Variants in DEPDC5 observed in about 807,000 individuals in gnomAD.
The protein encoded by DEPDC5 is DEP domain containing 5, GATOR1 subcomplex subunit, also known as GATOR1 complex protein DEPDC5.
Under a neutral mutation model 217.3 loss-of-function variants are expected in DEPDC5, and 73 were observed. That is an observed-to-expected ratio of 0.34 (90% CI 0.28 to 0.41). The LOEUF (loss-of-function observed/expected upper bound fraction) is 0.41, where lower values mean the gene tolerates loss of function less well. Among genes scored for constraint, DEPDC5 ranks in the 10% least tolerant of loss-of-function variants. The pLI is 1.00. For synonymous variants in DEPDC5, 733 were observed against 756.7 expected (o/e 0.97, Z 0.51); for missense variants, 1,675 against 2,070.1 (o/e 0.81, Z 3.70).
intron 38 of DEPDC5, among the ~76,000 whole-genome samples, chr22:31,883,196 C>T (rs926974391): frequency 3.3e-5 from 5 of 152,094 alleles, no homozygotes; most frequent in African/African-American, 1.2e-4. Context: ...GTAAAATTAC[C>T]CCCAGCTGAG....
chr22:31,786,464 TGTTTAA>T (rs2085004813), intron 10 of DEPDC5, among the ~76,000 whole-genome samples: 1 of 150,388 alleles, frequency 6.6e-6, no homozygotes, highest in African/African-American at 2.4e-5. Context: ...ATTTTCCTTA[TGTTTAA>T]AAGTTTTATT....
intron 31 of DEPDC5, among the ~76,000 whole-genome samples, chr22:31,856,773 TTTTGTTTGTTTG>T (rs141442882): frequency 1.3e-5 from 2 of 151,874 alleles, no homozygotes; most frequent in African/African-American, 4.8e-5. Flanking sequence ...TAATGCAGTT[TTTTGTTTGTTTG>T]TTTGTTTGTT....
chr22:31,902,408 T>TTATATATATATATATATATATATA (rs66813737), intron 41 of DEPDC5, among the ~76,000 whole-genome samples: 68 of 111,888 alleles, frequency 6.1e-4, no homozygotes, highest in Non-Finnish European at 8.8e-4. Flanking sequence ...CATCTCCTTA[T>TTATATATATATATATATATATATA]TATATATATA....
At chr22:31,825,102 G>A (rs145405755) in intron 24 of DEPDC5, among the ~76,000 whole-genome samples, 44 of 152,178 alleles carry the variant, frequency 2.9e-4, no homozygotes, top group African/African-American at 8.9e-4. Context: ...GAGTTGCGCC[G>A]AGGAGGGCTA....
chr22:31,799,509 G>A (rs2086630252), intron 14 of DEPDC5, among the ~76,000 whole-genome samples: 1 of 146,928 alleles, frequency 6.8e-6, no homozygotes, highest in Non-Finnish European at 1.5e-5. Context: ...CTGGGATGGA[G>A]TGTCGCTTTG....
chr22:31,849,435 G>A (rs1438803722), intron 31 of DEPDC5, among the ~76,000 whole-genome samples: 1 of 152,034 alleles, frequency 6.6e-6, no homozygotes, highest in African/African-American at 2.4e-5. Context: ...TTCTTCACGT[G>A]GCAGCAGCAA....
At chr22:31,825,812 T>A (rs1429970427) in intron 24 of DEPDC5, among the ~76,000 whole-genome samples, 1 of 152,116 alleles carries the variant, frequency 6.6e-6, no homozygotes, top group African/African-American at 2.4e-5. Context: ...ATAGTGCTGA[T>A]CATCACCCAG....
intron 7 of DEPDC5, among the ~76,000 whole-genome samples, chr22:31,770,044 C>T (rs1400828048): frequency 6.8e-6 from 1 of 147,662 alleles, no homozygotes; most frequent in Non-Finnish European, 1.5e-5. Flanking sequence ...GCTTGGGCCA[C>T]GTGACAAATA....
At chr22:31,840,529 C>T (rs1468509198) in intron 27 of DEPDC5, among the ~76,000 whole-genome samples, 2 of 152,160 alleles carry the variant, frequency 1.3e-5, no homozygotes, top group East Asian at 1.9e-4. Context: ...CCAGGCTGCC[C>T]ACCTGTTGTT....
At position 31,814,473 on chromosome 22, in the gene DEPDC5, C is replaced by T. The variant is rs536193467; in HGVS notation, c.1446-519C>T. 5.0e-4 allele frequency: 78 copies of T among 154,640 alleles called. 1 individual carries two copies. The South Asian group carries it at 0.015, about 29-fold the overall frequency. The allele number at this position is 154,640 out of a possible 1,614,324, so 9.6% of individuals were successfully genotyped here. ...CACTTTTTGCATTTGGTTATAATGC[C>T]TTTTGTGTGTGTGTGTGACAGTAGA... On this transcript the variant is annotated intron_variant, in intron 20 of 42. Transcript: ENST00000651528.
At position 31,879,568 on chromosome 22, in the gene DEPDC5, G is replaced by A. The variant is rs1244383892; in HGVS notation, c.3849G>A (p.Val1283=). 1 of 1,612,936 alleles carries A rather than the reference G, an allele frequency of 6.2e-7. No individual in the cohort carries two copies. Reference sequence around the variant, plus strand: ...CCACCACCTGGCACACAGCAGGAGTGGACGACTTCGCCAGCTTCCAGCGCA... The same window carrying A: ...CCACCACCTGGCACACAGCAGGAGTAGACGACTTCGCCAGCTTCCAGCGCA... ...QPATTWHTAG[V]DDFASFQRKW... Residue 1283 remains valine, a synonymous_variant, in exon 38 of 43, where the codon GTG becomes GTA. Transcript: ENST00000651528.
Position 31,841,426 on chromosome 22 carries a change from C to T in DEPDC5, c.2516-1669C>T, listed in dbSNP as rs562216963. Reference sequence around the variant, plus strand: ...GCACCTCAAAGAGTTGGACAAAATGCACAAACAAAGCAAGGAAAGAATGAA... The same window carrying T: ...GCACCTCAAAGAGTTGGACAAAATGTACAAACAAAGCAAGGAAAGAATGAA... On this transcript the variant is annotated intron_variant, in intron 27 of 42. Transcript: ENST00000651528. Among the ~76,000 whole-genome samples the T allele has an allele frequency of 7.9e-5, 12 of 152,294 alleles. No homozygotes were observed. In the South Asian group the frequency reaches 2.5e-3, roughly 32 times the overall value.
At chr22:31,887,419 CAAAAAAAAA>C (rs567430576) in intron 38 of DEPDC5, among the ~76,000 whole-genome samples, 1 of 65,680 alleles carries the variant, frequency 1.5e-5, no homozygotes, top group Non-Finnish European at 3.1e-5. Flanking sequence ...AACTCTGTCT[CAAAAAAAAA>C]AAAAAAAAAA....
intron 20 of DEPDC5, 161 bp downstream of exon 20, chr22:31,810,802 T>G: frequency 8.7e-7 from 1 of 1,155,910 alleles, no homozygotes; most frequent in Non-Finnish European, 1.2e-6. Flanking sequence ...TGAGATGGAG[T>G]TTCGCTCTTG....
In DEPDC5 at chr22:31,783,998, T is replaced by C. The variant is rs773199371; in HGVS notation, c.562+13T>C. ...TTTGATATTTATGGTACTGTGTCTA[T>C]GTGCTGATTGTAACTGCTAAGGGGA... is the stretch of plus-strand genomic sequence containing the variant. On this transcript the variant is annotated intron_variant, in intron 9 of 42. Coordinates refer to ENST00000651528, the MANE Select transcript of DEPDC5 (RefSeq NM_001242896.3). 41 of 1,608,010 alleles carry C rather than the reference T, an allele frequency of 2.5e-5. No individual in the cohort carries two copies. The Admixed American group carries it at 6.9e-4, about 27-fold the overall frequency.
intron 4 of DEPDC5, among the ~76,000 whole-genome samples, chr22:31,763,826 C>T (rs2082599572): frequency 1.3e-5 from 2 of 151,946 alleles, no homozygotes; most frequent in South Asian, 4.2e-4. Context: ...ATGGGTTATC[C>T]CTGCTCTGCA....
At chr22:31,784,914 C>T (rs751166870) in intron 10 of DEPDC5, 39 bp downstream of exon 10, 3 of 1,562,220 alleles carry the variant, frequency 1.9e-6, no homozygotes, top group South Asian at 1.2e-5. Flanking sequence ...ATTATGTAAA[C>T]ATTACTCAAT....
intron 14 of DEPDC5, among the ~76,000 whole-genome samples, chr22:31,800,158 G>A (rs2086721510): frequency 6.6e-6 from 1 of 152,044 alleles, no homozygotes; most frequent in South Asian, 2.1e-4. Context: ...GGACATCAGG[G>A]CATTTCCTGG....
chr22:31,812,136 G>A (rs1353441030), intron 20 of DEPDC5, among the ~76,000 whole-genome samples: 1 of 151,212 alleles, frequency 6.6e-6, no homozygotes, highest in African/African-American at 2.4e-5. Context: ...CTACAGGCAT[G>A]CACCACCACA....
Sources: gnomAD v4.1 joint callset for allele counts (sites outside exome capture counted in the v4.1 genomes callset) on GRCh38, gnomAD v4.1.1 for gene constraint, MANE v1.5 for transcripts, NCBI Gene and HGNC (gene_info 2026-07-23, HGNC 2026-07-21) for gene names.